GRID2: variants seen among roughly 807,000 people sequenced by gnomAD.
The protein encoded by GRID2 is glutamate ionotropic receptor delta type subunit 2.
A neutral mutation model predicts 114.8 loss-of-function variants in GRID2; 33 were observed. That is an observed-to-expected ratio of 0.29 (90% confidence interval 0.22 to 0.38). GRID2 has a LOEUF of 0.38. GRID2 is among the 10% of genes least tolerant of loss of function. The probability of loss-of-function intolerance (pLI) is 1.00; values close to 1 mark genes in which losing one functional copy is unlikely to be tolerated. For synonymous variants in GRID2, 505 were observed against 449.9 expected (o/e 1.12, Z -1.55); for missense variants, 1,184 against 1,257.7 (o/e 0.94, Z 0.89).
chr4:92,658,248 C>G (rs910306637), intron 2 of GRID2, among the ~76,000 whole-genome samples: 2 of 151,740 alleles, frequency 1.3e-5, no homozygotes, highest in African/African-American at 4.8e-5. Context: ...ATACGGTACT[C>G]CTTATTCCAG....
intron 1 of GRID2, among the ~76,000 whole-genome samples, chr4:92,388,307 C>A (rs572964182): frequency 6.6e-6 from 1 of 152,090 alleles, no homozygotes; most frequent in African/African-American, 2.4e-5. Context: ...CAGCTATATA[C>A]TCATAATATT....
At chr4:93,613,102 A>C (rs1395047018) in intron 13 of GRID2, among the ~76,000 whole-genome samples, 1 of 142,460 alleles carries the variant, frequency 7.0e-6, no homozygotes, top group Admixed American at 7.0e-5. Flanking sequence ...AGTTGATTGC[A>C]TCGGCTCCTG....
At chr4:92,829,030 T>G (rs1741921902) in intron 2 of GRID2, among the ~76,000 whole-genome samples, 1 of 152,200 alleles carries the variant, frequency 6.6e-6, no homozygotes, top group Non-Finnish European at 1.5e-5. Context: ...TAGATCCCAT[T>G]TGTCAATTTT....
At chr4:93,322,879 T>A (rs1273777453) in intron 8 of GRID2, among the ~76,000 whole-genome samples, 5 of 152,180 alleles carry the variant, frequency 3.3e-5, no homozygotes, top group African/African-American at 1.2e-4. Context: ...TTTTGCCCAC[T>A]TTTTAATGGG....
intron 2 of GRID2, among the ~76,000 whole-genome samples, chr4:92,940,645 C>A (rs1268685883): frequency 6.6e-6 from 1 of 152,022 alleles, no homozygotes; most frequent in Non-Finnish European, 1.5e-5. Flanking sequence ...TGTCTTGTGC[C>A]AGTTTTCAAA....
chr4:92,416,659 G>T (rs1470079252), intron 1 of GRID2, among the ~76,000 whole-genome samples: 1 of 152,064 alleles, frequency 6.6e-6, no homozygotes, highest in Non-Finnish European at 1.5e-5. Context: ...GTTGAATAGG[G>T]TGTCCTTTTG....
At chr4:93,282,791 G>A (rs1486266224) in intron 8 of GRID2, among the ~76,000 whole-genome samples, 2 of 152,100 alleles carry the variant, frequency 1.3e-5, no homozygotes, top group African/African-American at 2.4e-5. Context: ...TCTCCAGGTT[G>A]TACAGGCCCC....
Position 93,238,438 on chromosome 4 carries a change from T to A in GRID2, c.1193T>A (p.Phe398Tyr), listed in dbSNP as rs34796082. ...AATGGAGGCAATCCCAATGTCCACT[T>A]TGAAATCCTTGGAACCAACTATGGA... ...GENGGNPNVH[F>Y]EILGTNYGEE... Residue 398 changes from phenylalanine (F) to tyrosine (Y), a missense_variant, in exon 8 of 16, where the codon TTT becomes TAT. Phe to Tyr is a conservative substitution (Grantham distance 22). This residue lies in a region of GRID2 where 717 missense variants were observed against 796.9 expected (regional missense o/e 0.90). Transcript: ENST00000282020. The A allele has an allele frequency of 6.2e-7, 1 of 1,609,626 alleles. No individual in the cohort carries two copies. Among genetic ancestry groups the A allele is most frequent in the Non-Finnish European group, 8.5e-7 (1 of 1,176,578 alleles).
intron 8 of GRID2, among the ~76,000 whole-genome samples, chr4:93,362,418 A>G (rs553534119): frequency 2.0e-5 from 3 of 151,658 alleles, no homozygotes; most frequent in African/African-American, 7.3e-5. Flanking sequence ...CATCCTCCTC[A>G]TGGCAGTCAA....
chr4:93,495,702 T>G (rs1383307988), intron 12 of GRID2, among the ~76,000 whole-genome samples: 1 of 151,784 alleles, frequency 6.6e-6, no homozygotes, highest in Admixed American at 6.6e-5. Context: ...TTAACTAGTA[T>G]GTCTCTACTT....
At chr4:92,580,387 T>C (rs1342327076) in intron 1 of GRID2, among the ~76,000 whole-genome samples, 1 of 145,548 alleles carries the variant, frequency 6.9e-6, no homozygotes, top group Non-Finnish European at 1.5e-5. Context: ...AAGTTTGAGA[T>C]TTATATTGGA....
At chr4:93,490,533 A>G in intron 11 of GRID2, 106 bp from the exon 12 acceptor site, 2 of 748,254 alleles carry the variant, frequency 2.7e-6, no homozygotes, top group Non-Finnish European at 4.5e-6. Context: ...TTAAGCAGAA[A>G]AAATTCTCAC....
At chr4:93,352,255 T>G (rs183043830) in intron 8 of GRID2, among the ~76,000 whole-genome samples, 5 of 152,112 alleles carry the variant, frequency 3.3e-5, no homozygotes, top group Admixed American at 3.3e-4. Flanking sequence ...TTAATAACTA[T>G]ATTCAAATAT....
chr4:92,814,384 A>G (rs1461930948), intron 2 of GRID2, among the ~76,000 whole-genome samples: 1 of 152,164 alleles, frequency 6.6e-6, no homozygotes, highest in Non-Finnish European at 1.5e-5. Context: ...AGGAGAAACC[A>G]TTGCCTCTGA....
intron 1 of GRID2, among the ~76,000 whole-genome samples, chr4:92,341,281 G>A (rs780676532): frequency 2.0e-5 from 3 of 152,192 alleles, no homozygotes; most frequent in African/African-American, 4.8e-5. Context: ...GCCATGTTAT[G>A]TTACTATTGA....
chr4:93,436,177 C>T (rs1358336759), intron 10 of GRID2, among the ~76,000 whole-genome samples: 3 of 152,210 alleles, frequency 2.0e-5, no homozygotes, highest in Admixed American at 6.5e-5. Context: ...GCTTTGGTAT[C>T]GCTTGCTCCA....
rs572672941 is a variant in GRID2 at position 92,467,090 on chromosome 4, A to G, written c.89-123041A>G. On this transcript the variant is annotated intron_variant, in intron 1 of 15. Coordinates refer to ENST00000282020, the MANE Select transcript of GRID2 (RefSeq NM_001510.4). ...TGTTATCAAATTTTACTTTTTTAGA[A>G]AAACACAAATCCTATTTTAAGTTGA... Among the ~76,000 whole-genome samples the G allele has an allele frequency of 2.6e-5, 4 of 151,924 alleles. No homozygotes were observed. In the South Asian group the frequency reaches 8.3e-4, roughly 31 times the overall value.
intron 13 of GRID2, among the ~76,000 whole-genome samples, chr4:93,571,349 T>C (rs1735915392): frequency 6.6e-6 from 1 of 152,114 alleles, no homozygotes; most frequent in Admixed American, 6.6e-5. Context: ...GCATATAATG[T>C]ATATAGTATA....
chr4:92,690,619 A>T (rs562397637), intron 2 of GRID2, among the ~76,000 whole-genome samples: 111 of 152,346 alleles, frequency 7.3e-4, no homozygotes, highest in Middle Eastern at 3.4e-3. Context: ...TTTGCAAAAA[A>T]CAATATCCGT....
Sources: allele counts gnomAD v4.1 joint callset (sites outside exome capture counted in the v4.1 genomes callset), GRCh38; gene constraint gnomAD v4.1.1; regional missense constraint gnomAD v4.1.1; transcripts MANE v1.5; gene names NCBI Gene and HGNC (gene_info 2026-07-23, HGNC 2026-07-21).